TCF3: variants seen among roughly 807,000 people sequenced by gnomAD.
TCF3 encodes the protein transcription factor E2-alpha.
A neutral mutation model predicts 72.3 loss-of-function variants in TCF3; 54 were observed. That is an observed-to-expected ratio of 0.75 (90% CI 0.60 to 0.94). The LOEUF (loss-of-function observed/expected upper bound fraction) is 0.94, where lower values mean the gene tolerates loss of function less well. Among genes scored for constraint, TCF3 ranks in the 40% least tolerant of loss-of-function variants. The pLI is 0.00. For synonymous variants in TCF3, 525 were observed against 412.6 expected, an observed-to-expected ratio of 1.27 and a Z score of -3.30; for missense variants, 1,078 against 934.4, an observed-to-expected ratio of 1.15 and a Z score of -2.00.
chr19:1,612,353 C>T (rs748738693), intron 18 of TCF3: 9 of 1,613,956 alleles, frequency 5.6e-6, no homozygotes, highest in Non-Finnish European at 7.6e-6. Context: ...CACGCGCACC[C>T]GCTCCCGCGC....
chr19:1,617,549 A>C (rs1042700563), intron 16 of TCF3, among the ~76,000 whole-genome samples: 2 of 152,228 alleles, frequency 1.3e-5, no homozygotes, highest in African/African-American at 4.8e-5. Context: ...GTCAGGGCTC[A>C]CATGGAGCAA....
chr19:1,615,564 GT>G lies in TCF3; in HGVS notation c.1587-45del. 2 of 1,604,904 alleles carry G rather than the reference GT, an allele frequency of 1.2e-6. No homozygotes were observed. Among genetic ancestry groups the G allele is most frequent in the African/African-American group, 1.3e-5 (1 of 75,032 alleles). ...GAGGGGGCCAGAGGGAGACAGTGAG[GT>G]TGGGGGAAGAGCGTGGGGCCCGCCG... On this transcript the variant is annotated intron_variant, in intron 17 of 18. Coordinates refer to ENST00000262965, the MANE Select transcript of TCF3 (RefSeq NM_003200.5). This position sits in a 1 kb window ranked among gnomAD's most constrained non-coding sequence, Gnocchi z 7.3.
intron 8 of TCF3, among the ~76,000 whole-genome samples, chr19:1,622,909 G>T (rs960569288): frequency 5.9e-5 from 9 of 152,200 alleles, no homozygotes; most frequent in African/African-American, 2.2e-4. Flanking sequence ...GCACTGCCTG[G>T]ACTGTGGGGC....
chr19:1,642,483 G>T (rs762976908), intron 3 of TCF3, among the ~76,000 whole-genome samples: 1 of 152,164 alleles, frequency 6.6e-6, no homozygotes, highest in Non-Finnish European at 1.5e-5. Context: ...TGTGAATCCC[G>T]AAAGACTTCA....
At chr19:1,612,762 AC>A (rs1198443290) in intron 18 of TCF3, among the ~76,000 whole-genome samples, 2 of 98,090 alleles carry the variant, frequency 2.0e-5, no homozygotes, top group Non-Finnish European at 2.1e-5. Context: ...ACGTTGGTGG[AC>A]ACAGCAGTGT....
At chr19:1,617,712 G>T (rs975382358) in intron 16 of TCF3, among the ~76,000 whole-genome samples, 13 of 152,226 alleles carry the variant, frequency 8.5e-5, no homozygotes, top group African/African-American at 3.1e-4. Flanking sequence ...GAAGGAAACA[G>T]AGGGGAGCCT....
intron 3 of TCF3, among the ~76,000 whole-genome samples, chr19:1,642,152 A>G (rs991786494): frequency 6.6e-6 from 1 of 151,338 alleles, no homozygotes; most frequent in African/African-American, 2.4e-5. Flanking sequence ...ACACACACAC[A>G]CACACACACA....
chr19:1,631,750 A>T (rs1426362265), intron 5 of TCF3, among the ~76,000 whole-genome samples: 8 of 152,188 alleles, frequency 5.3e-5, no homozygotes, highest in Non-Finnish European at 7.3e-5. Flanking sequence ...CCCGGGAAGC[A>T]GGAGGAGCCC....
At chr19:1,644,407 C>T (rs1380510760) in intron 3 of TCF3, among the ~76,000 whole-genome samples, 2 of 152,166 alleles carry the variant, frequency 1.3e-5, no homozygotes, top group Non-Finnish European at 2.9e-5. Flanking sequence ...GGGGGTCACC[C>T]CTCTGTGTCC....
At position 1,614,755 on chromosome 19, in the gene TCF3, G is replaced by T. The variant is rs1197083477; in HGVS notation, c.1822+530C>A. On this transcript the variant is annotated intron_variant, in intron 18 of 18. Transcript: ENST00000262965. The surrounding 1 kb of genome is among the most constrained non-coding windows in gnomAD (Gnocchi z 5.6). ...GTCTGTCTGTATCCTTCCTCCCCCTGGCCCTGGGAAATGGGGGTGATAGGA... is the reference window on the plus strand; with the variant it reads ...GTCTGTCTGTATCCTTCCTCCCCCTTGCCCTGGGAAATGGGGGTGATAGGA... Among the ~76,000 whole-genome samples, 1 of 152,088 alleles carries T rather than the reference G, an allele frequency of 6.6e-6. No homozygotes were observed. Among genetic ancestry groups the T allele is most frequent in the Non-Finnish European group, 1.5e-5 (1 of 68,008 alleles).
chr19:1,620,946 TC>T (rs1182883440), intron 13 of TCF3, 21 bp downstream of exon 13: 6 of 1,343,528 alleles, frequency 4.5e-6, no homozygotes, highest in Middle Eastern at 1.9e-4. Context: ...CAGCCTCCCC[TC>T]CCCCCAAAAC....
chr19:1,639,775 G>C (rs1263444980), intron 3 of TCF3, among the ~76,000 whole-genome samples: 1 of 113,550 alleles, frequency 8.8e-6, no homozygotes, highest in African/African-American at 3.2e-5. Flanking sequence ...AAAAAAAAAA[G>C]GAACAAATGT....
At chr19:1,650,630 T>G (rs1410607393) in intron 1 of TCF3, 14 of 256,018 alleles carry the variant, frequency 5.5e-5, no homozygotes, top group Middle Eastern at 1.1e-3. Context: ...AACCTCTCCT[T>G]TCTCCAACTC....
rs978799030 is a variant in TCF3, at chr19:1,614,585, C to T, written c.1822+700G>A. On this transcript the variant is annotated intron_variant, in intron 18 of 18. Coordinates refer to ENST00000262965, the MANE Select transcript of TCF3 (RefSeq NM_003200.5). The surrounding 1 kb of genome is among the most constrained non-coding windows in gnomAD (Gnocchi z 5.6). ...TGAGGGGATAGCGTGTGGGCCGGGC[C>T]GGGGCTCTGGCTCCGGTCCCAGCAA... is the stretch of plus-strand genomic sequence containing the variant. 2.6e-5 allele frequency among the ~76,000 whole-genome samples: 4 copies of T among 152,080 alleles called. No individual in the cohort carries two copies. The highest frequency in any genetic ancestry group is 4.8e-5 in the African/African-American group (2 of 41,392).
intron 2 of TCF3, among the ~76,000 whole-genome samples, chr19:1,649,779 T>C (rs1017323558): frequency 1.3e-5 from 2 of 151,306 alleles, no homozygotes; most frequent in African/African-American, 4.9e-5. Flanking sequence ...CAGACTGGAG[T>C]GCAGTGATCT....
At chr19:1,624,524 T>G (rs748977349) in intron 7 of TCF3, among the ~76,000 whole-genome samples, 1 of 152,200 alleles carries the variant, frequency 6.6e-6, no homozygotes, top group Non-Finnish European at 1.5e-5. Flanking sequence ...AGTTGGTGGA[T>G]TCTAAGCCAA....
intron 1 of TCF3, 23 bp downstream of exon 1, chr19:1,652,277 C>A (rs1209024161): frequency 6.8e-6 from 1 of 146,670 alleles, no homozygotes; most frequent in Non-Finnish European, 1.5e-5. Context: ...CCGGGCGCGC[C>A]CCCCGCCCCC....
chr19:1,621,287 C>T, intron 11 of TCF3, 96 bp from the exon 12 acceptor site: 1 of 1,396,248 alleles, frequency 7.2e-7, no homozygotes, highest in South Asian at 1.3e-5. Context: ...ACAGACACTG[C>T]TGCGCCAGGG....
rs886251318 is a variant in TCF3, at chr19:1,611,863, G to A, written c.1823-14C>T. 9 of 1,598,800 alleles carry A rather than the reference G, an allele frequency of 5.6e-6. No individual in the cohort carries two copies. Among genetic ancestry groups the A allele is most frequent in the South Asian group, 1.1e-5 (1 of 90,536 alleles). On this transcript the variant is annotated splice_polypyrimidine_tract_variant and intron_variant, in intron 18 of 18. Transcript: ENST00000262965. The stretch of plus-strand genomic sequence containing the variant: ...TCAGGTTCCGCTCTGGAGGGAGGGG[G>A]GAGAGCTCTGTGGGAGACGGTCCCA...
Sources: gnomAD v4.1 joint callset for allele counts (sites outside exome capture counted in the v4.1 genomes callset) on GRCh38, gnomAD v4.1.1 for gene constraint, Gnocchi (gnomAD v3.1) non-coding constraint, MANE v1.5 for transcripts, NCBI Gene and HGNC (gene_info 2026-07-23, HGNC 2026-07-21) for gene names.